VPS35: variants seen among roughly 807,000 people sequenced by gnomAD.
VPS35 encodes the protein vacuolar protein sorting-associated protein 35.
Under a neutral mutation model 98.1 loss-of-function variants are expected in VPS35, and 21 were observed. The observed-to-expected ratio is 0.21, with a 90% CI of 0.15 to 0.31. The LOEUF is 0.31. Ranked by LOEUF, VPS35 falls within the 10% of genes least tolerant of loss-of-function variation. VPS35 has a pLI of 1.00. For missense variants in VPS35, 554 were observed against 950.8 expected, an observed-to-expected ratio of 0.58 and a Z score of 5.49; for synonymous variants, 268 against 318.2, an observed-to-expected ratio of 0.84 and a Z score of 1.68.
chr16:46,670,467 T>C (rs545891494), intron 12 of VPS35, among the ~76,000 whole-genome samples: 2 of 152,228 alleles, frequency 1.3e-5, no homozygotes, highest in East Asian at 3.9e-4. Flanking sequence ...GCATTTTTAG[T>C]AGAGATGGGG....
At chr16:46,670,307 G>A (rs1405072733) in intron 12 of VPS35, among the ~76,000 whole-genome samples, 1 of 152,066 alleles carries the variant, frequency 6.6e-6, no homozygotes, top group Admixed American at 6.5e-5. Context: ...TTTTGAGACG[G>A]AGTTTCACTC....
At position 46,662,303 on chromosome 16, in the gene VPS35, A is replaced by G. The variant is rs376700700; in HGVS notation, c.2007T>C (p.Ala669=). 8.8e-5 allele frequency: 142 copies of G among 1,614,044 alleles called. No homozygotes were observed. The highest frequency in any genetic ancestry group is 1.1e-4 in the Non-Finnish European group (133 of 1,180,042). ...KLLKKPDQGR[A]VSTCAHLFWS... The stretch of plus-strand genomic sequence containing the variant: ...AGAAGAGATGTGCACAGGTGCTCAC[A>G]GCTCGGCCCTGATCAGGTTTCTTTA... Residue 669 remains alanine (A), a synonymous_variant, in exon 15 of 17, where the codon GCT becomes GCC. Transcript: ENST00000299138.
At chr16:46,662,554 G>A in intron 14 of VPS35, 72 bp from the exon 15 acceptor site, 1 of 1,599,958 alleles carries the variant, frequency 6.3e-7, no homozygotes, top group Non-Finnish European at 8.5e-7. Context: ...CAAAGTACTT[G>A]TCACCAAACC....
rs1965886913 is a variant in VPS35, at chr16:46,660,189, GTGTTTTTTTTT to G, written c.*272_*282del. 3.1e-5 allele frequency: 3 copies of G among 98,324 alleles called. No individual in the cohort carries two copies. Among genetic ancestry groups the G allele is most frequent in the Admixed American group, 1.4e-4 (1 of 7,190 alleles). 6.1% of individuals were successfully genotyped at this position (98,324 alleles called of 1,614,324 possible). ...GCCAAGATAAGTGCTTGTGGGTTTT[GTGTTTTTTTTT>G]TTTTTTTTTTTTACAGATCACAGGA... On this transcript the variant is annotated 3_prime_UTR_variant, in exon 17 of 17. Coordinates refer to ENST00000299138, the MANE Select transcript of VPS35 (RefSeq NM_018206.6).
At position 46,679,113 on chromosome 16, in the gene VPS35, G is replaced by A. The variant is rs373346821; in HGVS notation, c.550C>T (p.Leu184=). 6.2e-7 allele frequency: 1 copy of A among 1,613,666 alleles called. No individual in the cohort carries two copies. Among genetic ancestry groups the A allele is most frequent in the Non-Finnish European group, 8.5e-7 (1 of 1,179,840 alleles). Reference sequence around the variant, plus strand: ...TTGTTCATTTCTGCAAAGTTGAGCAGTACAAAATCCATGGAATCACTGATG... The same window carrying A: ...TTGTTCATTTCTGCAAAGTTGAGCAATACAAAATCCATGGAATCACTGATG... ...GDISDSMDFV[L]LNFAEMNKLW... Residue 184 remains leucine (L), a synonymous_variant, in exon 6 of 17, where the codon CTG becomes TTG. Coordinates refer to ENST00000299138, the MANE Select transcript of VPS35 (RefSeq NM_018206.6).
At chr16:46,673,882 T>TG (rs764039831) in intron 10 of VPS35, 11 of 187,408 alleles carry the variant, frequency 5.9e-5, no homozygotes, top group Non-Finnish European at 1.2e-4. Context: ...CAGCCCAGGA[T>TG]GGCTTTGAAT....
chr16:46,667,406 G>C (rs1355943847), intron 13 of VPS35, among the ~76,000 whole-genome samples: 1 of 152,060 alleles, frequency 6.6e-6, no homozygotes, highest in Non-Finnish European at 1.5e-5. Flanking sequence ...CCATTCCATT[G>C]CCTGTCTCTT....
rs1965844849 is a variant in VPS35 at position 46,656,420 on chromosome 16, CTG to C, written c.*4050_*4051del. The C allele has an allele frequency of 6.6e-6, 1 of 152,198 alleles. No homozygotes were observed. Among genetic ancestry groups the C allele is most frequent in the South Asian group, 2.1e-4 (1 of 4,836 alleles). 9.4% of individuals were successfully genotyped at this position (152,198 alleles called of 1,614,324 possible). A position where few individuals can be genotyped will look rare whatever the true frequency, so the allele number is the denominator to read the frequency against. ...GAAACCACCTTTACAAAAATTGTAA[CTG>C]AGGAAATTATGACAGTGAAAGAGAT... is the stretch of plus-strand genomic sequence containing the variant. On this transcript the variant is annotated 3_prime_UTR_variant, in exon 17 of 17. Coordinates refer to ENST00000299138, the MANE Select transcript of VPS35 (RefSeq NM_018206.6).
At chr16:46,662,608 G>A in intron 14 of VPS35, 126 bp from the exon 15 acceptor site, 1 of 1,445,772 alleles carries the variant, frequency 6.9e-7, no homozygotes, top group Non-Finnish European at 9.6e-7. Flanking sequence ...AGAACATGCT[G>A]CACCCTCTCT....
chr16:46,680,602 T>C (rs1331888173), intron 5 of VPS35, 69 bp downstream of exon 5: 1 of 1,516,024 alleles, frequency 6.6e-7, no homozygotes, highest in African/African-American at 1.4e-5. Flanking sequence ...TCTGTATATG[T>C]TTCCACACTT....
intron 1 of VPS35, among the ~76,000 whole-genome samples, chr16:46,685,550 A>G (rs925811650): frequency 6.6e-5 from 10 of 152,224 alleles, no homozygotes; most frequent in African/African-American, 2.4e-4. Flanking sequence ...AGAAGAAGTT[A>G]GGTATCTTTT....
intron 13 of VPS35, among the ~76,000 whole-genome samples, chr16:46,664,221 C>T (rs1021419032): frequency 2.0e-5 from 3 of 151,908 alleles, no homozygotes; most frequent in South Asian, 2.1e-4. Flanking sequence ...CTCTTTGGTG[C>T]GATCTCGGCT....
At chr16:46,672,551 T>A in intron 10 of VPS35, 79 bp from the exon 11 acceptor site, 3 of 1,330,486 alleles carry the variant, frequency 2.3e-6, no homozygotes, top group Non-Finnish European at 3.2e-6. Flanking sequence ...CCATAAGAAT[T>A]TGAAATTTTT....
At chr16:46,662,607 T>G in intron 14 of VPS35, 125 bp from the exon 15 acceptor site, 1 of 1,452,720 alleles carries the variant, frequency 6.9e-7, no homozygotes, top group Non-Finnish European at 9.5e-7. Flanking sequence ...CAGAACATGC[T>G]GCACCCTCTC....
Position 46,676,696 on chromosome 16 carries a change from A to C in VPS35, c.805-4T>G. ...GGTGAAATTCATCAGGGAAAACCTG[A>C]AAATCAAATGATCAATACAAATAAA... On this transcript the variant is annotated splice_region_variant and splice_polypyrimidine_tract_variant and intron_variant, in intron 7 of 16. Coordinates refer to ENST00000299138, the MANE Select transcript of VPS35 (RefSeq NM_018206.6). 1 of 1,582,798 alleles carries C rather than the reference A, an allele frequency of 6.3e-7. No individual in the cohort carries two copies. Among genetic ancestry groups the C allele is most frequent in the South Asian group, 1.1e-5 (1 of 90,388 alleles).
intron 7 of VPS35, 32 bp downstream of exon 7, chr16:46,677,283 C>G: frequency 1.3e-6 from 2 of 1,573,680 alleles, no homozygotes; most frequent in Non-Finnish European, 1.7e-6. Context: ...TAAAATAGGT[C>G]GTTTAAAAAA....
chr16:46,680,120 G>A (rs1182850577), intron 5 of VPS35, among the ~76,000 whole-genome samples: 3 of 152,172 alleles, frequency 2.0e-5, no homozygotes, highest in African/African-American at 7.2e-5. Context: ...TGCCCCTGCT[G>A]TGGGATAAAA....
At chr16:46,679,321 T>C (rs1435632466) in intron 5 of VPS35, among the ~76,000 whole-genome samples, 165 bp from the exon 6 acceptor site, 1 of 152,220 alleles carries the variant, frequency 6.6e-6, no homozygotes, top group Non-Finnish European at 1.5e-5. Flanking sequence ...GAACAGACTC[T>C]AGGGTAAAAA....
intron 5 of VPS35, among the ~76,000 whole-genome samples, chr16:46,679,893 ATTAGAAATAAATGATATATTAAAAACC>A (rs1966207703): frequency 6.6e-6 from 1 of 152,208 alleles, no homozygotes; most frequent in Admixed American, 6.5e-5. Context: ...ATTAAAAAAC[ATTAGAAATAAATGATATATTAAAAACC>A]TTAGAAATAA....
Sources: allele counts gnomAD v4.1 joint callset (sites outside exome capture counted in the v4.1 genomes callset), GRCh38; gene constraint gnomAD v4.1.1; transcripts MANE v1.5; gene names NCBI Gene and HGNC (gene_info 2026-07-23, HGNC 2026-07-21).